The following KCND2 variants were observed in gnomAD, a reference collection of about 807,000 sequenced individuals.
The protein encoded by KCND2 is A-type voltage-gated potassium channel KCND2.
KCND2 carries 16 observed loss-of-function variants against 54.4 expected under a neutral mutation model. That is an observed-to-expected ratio of 0.29 (90% CI 0.20 to 0.45). The LOEUF (loss-of-function observed/expected upper bound fraction) is 0.45. Among genes scored for constraint, KCND2 ranks in the 20% least tolerant of loss-of-function variants. The pLI is 1.00. For missense variants in KCND2, 486 were observed against 824.2 expected, an observed-to-expected ratio of 0.59 and a Z score of 5.02; for synonymous variants, 317 against 310.7, an observed-to-expected ratio of 1.02 and a Z score of -0.21.
intron 1 of KCND2, among the ~76,000 whole-genome samples, chr7:120,496,024 A>G (rs1364031660): frequency 6.6e-6 from 1 of 152,142 alleles, no homozygotes; most frequent in South Asian, 2.1e-4. Context: ...AGACAAGCAG[A>G]TTCAGAATTA....
chr7:120,293,681 C>T (rs1214126900), intron 1 of KCND2, among the ~76,000 whole-genome samples: 1 of 151,786 alleles, frequency 6.6e-6, no homozygotes, highest in African/African-American at 2.4e-5. Context: ...TGAGTAATTA[C>T]CCTGAGTCTG....
chr7:120,660,096 T>C (rs1791848098), intron 1 of KCND2, among the ~76,000 whole-genome samples: 1 of 152,190 alleles, frequency 6.6e-6, no homozygotes, highest in African/African-American at 2.4e-5. Flanking sequence ...TAATAAGTTG[T>C]CATAATTTCC....
At chr7:120,726,271 C>T (rs575307471) in intron 1 of KCND2, among the ~76,000 whole-genome samples, 2 of 152,206 alleles carry the variant, frequency 1.3e-5, no homozygotes, top group East Asian at 3.9e-4. Context: ...TGAAGTAATA[C>T]CAGGGCCCCT....
At chr7:120,474,501 C>G (rs1167795348) in intron 1 of KCND2, among the ~76,000 whole-genome samples, 2 of 151,094 alleles carry the variant, frequency 1.3e-5, no homozygotes, top group African/African-American at 2.4e-5. Context: ...CCATGCCCAG[C>G]TAATTTTCTT....
chr7:120,417,729 A>G (rs971247674), intron 1 of KCND2, among the ~76,000 whole-genome samples: 1 of 152,220 alleles, frequency 6.6e-6, no homozygotes, highest in Non-Finnish European at 1.5e-5. Flanking sequence ...AGCTCAGCTA[A>G]GAATACATCA....
intron 1 of KCND2, among the ~76,000 whole-genome samples, chr7:120,433,460 C>T (rs552641827): frequency 2.6e-4 from 40 of 152,256 alleles, no homozygotes; most frequent in African/African-American, 8.7e-4. Context: ...CATTTTGGCC[C>T]ACAAGAAACT....
chr7:120,381,429 C>A (rs190152938), intron 1 of KCND2, among the ~76,000 whole-genome samples: 3 of 152,090 alleles, frequency 2.0e-5, no homozygotes, highest in African/African-American at 7.2e-5. Context: ...GAAGCAACTT[C>A]AAGTTTTATT....
intron 1 of KCND2, among the ~76,000 whole-genome samples, chr7:120,682,749 C>T (rs912037932): frequency 6.6e-6 from 1 of 152,064 alleles, no homozygotes; most frequent in Admixed American, 6.6e-5. Flanking sequence ...ACACAATAGC[C>T]GGTTAAAAGT....
intron 1 of KCND2, among the ~76,000 whole-genome samples, chr7:120,728,145 A>G (rs552364617): frequency 1.1e-3 from 160 of 150,894 alleles, no homozygotes; most frequent in East Asian, 3.7e-3. Context: ...AAAAAAAAAA[A>G]AAAGAAAGAA....
intron 1 of KCND2, among the ~76,000 whole-genome samples, chr7:120,439,524 C>G (rs969906862): frequency 1.3e-5 from 2 of 152,026 alleles, no homozygotes; most frequent in African/African-American, 4.8e-5. Context: ...TCAAAATCTT[C>G]TCTTCCAGTT....
chr7:120,398,132 A>G lies in KCND2; in HGVS notation c.1115+122385A>G, dbSNP rs116012395. Among the ~76,000 whole-genome samples the G allele has an allele frequency of 5.6e-3, 813 of 144,938 alleles. 8 individuals are homozygous for G. Among genetic ancestry groups the G allele is most frequent in the African/African-American group, 0.02 (774 of 37,838 alleles). ...CGTTCTGAATGCATAGCATGGCAAT[A>G]CTAGGAGATTTTATATGTATATACA... On this transcript the variant is annotated intron_variant, in intron 1 of 5. Transcript: ENST00000331113.
At chr7:120,673,366 A>G (rs1792018019) in intron 1 of KCND2, among the ~76,000 whole-genome samples, 1 of 152,002 alleles carries the variant, frequency 6.6e-6, no homozygotes, top group Non-Finnish European at 1.5e-5. Flanking sequence ...TTGCAATTAT[A>G]TTCATTTTAC....
chr7:120,275,680 T>G lies in KCND2; in HGVS notation c.1048T>G (p.Ser350Ala). 6.2e-7 allele frequency: 1 copy of G among 1,602,706 alleles called. No individual in the cohort carries two copies. The highest frequency in any genetic ancestry group is 8.5e-7 in the Non-Finnish European group (1 of 1,179,952). ...TATGTTCTACGCAGAGAAGGGGTCT[T>G]CGGCTAGCAAGTTCACCAGCATCCC... ...TVMFYAEKGS[S>A]ASKFTSIPAA... Residue 350 changes from serine to alanine, a missense_variant, in exon 1 of 6, where the codon TCG (serine) becomes GCG (alanine). Ser to Ala is a moderately conservative substitution (Grantham distance 99). This residue lies in a region of KCND2 where 23 missense variants were observed against 33.7 expected (regional missense o/e 0.68). Transcript: ENST00000331113.
intron 1 of KCND2, among the ~76,000 whole-genome samples, chr7:120,548,099 G>A (rs1792064679): frequency 6.6e-6 from 1 of 152,002 alleles, no homozygotes. Flanking sequence ...TGTTTCTCTA[G>A]CCAGTAACTA....
chr7:120,506,691 C>T (rs1803025778), intron 1 of KCND2, among the ~76,000 whole-genome samples: 1 of 151,830 alleles, frequency 6.6e-6, no homozygotes, highest in South Asian at 2.1e-4. Flanking sequence ...GAACAATTCC[C>T]TAATTCATTT....
chr7:120,368,329 G>A (rs1800716691), intron 1 of KCND2, among the ~76,000 whole-genome samples: 1 of 151,782 alleles, frequency 6.6e-6, no homozygotes, highest in Non-Finnish European at 1.5e-5. Flanking sequence ...AGTTTCTTGG[G>A]TTTTAAGGTA....
intron 1 of KCND2, among the ~76,000 whole-genome samples, chr7:120,446,203 C>A (rs970306031): frequency 3.9e-5 from 6 of 152,046 alleles, no homozygotes; most frequent in African/African-American, 1.4e-4. Flanking sequence ...GCTAGTCCAC[C>A]CTAATCTCTG....
rs185729780 is a variant in KCND2, at chr7:120,676,470, G to C, written c.1116-56433G>C. Among the ~76,000 whole-genome samples, 8 of 152,168 alleles carry C rather than the reference G, an allele frequency of 5.3e-5. No individual in the cohort carries two copies. The East Asian group carries it at 1.5e-3, about 29-fold the overall frequency. ...TTCCTAGCTGTCTTTAAACTGTATG[G>C]ACTGTTAGTATTTCTTGGTTATCCA... is the stretch of plus-strand genomic sequence containing the variant. On this transcript the variant is annotated intron_variant, in intron 1 of 5. Coordinates refer to ENST00000331113, the MANE Select transcript of KCND2 (RefSeq NM_012281.3).
intron 1 of KCND2, among the ~76,000 whole-genome samples, chr7:120,405,459 T>G (rs956556256): frequency 6.6e-6 from 1 of 152,150 alleles, no homozygotes; most frequent in Non-Finnish European, 1.5e-5. Flanking sequence ...GAAAGAGTTA[T>G]GGAAAACACA....
Sources: allele counts gnomAD v4.1 joint callset (sites outside exome capture counted in the v4.1 genomes callset), GRCh38; gene constraint gnomAD v4.1.1; regional missense constraint gnomAD v4.1.1; transcripts MANE v1.5; gene names NCBI Gene and HGNC (gene_info 2026-07-23, HGNC 2026-07-21).